Variants in CNPY1 observed in about 807,000 individuals in gnomAD.
CNPY1 encodes the protein protein canopy homolog 1.
A neutral mutation model predicts 14.4 loss-of-function variants in CNPY1; 14 were observed. That is an observed-to-expected ratio of 0.97 (90% CI 0.64 to 1.52). The LOEUF (loss-of-function observed/expected upper bound fraction) is 1.52, where lower values mean the gene tolerates loss of function less well. Among genes scored for constraint, CNPY1 ranks in the 40% most tolerant of loss-of-function variants. The pLI, the probability that CNPY1 is intolerant of heterozygous loss-of-function variation, is 0.00. For synonymous variants in CNPY1, 43 were observed against 46.5 expected (o/e 0.92, Z 0.31); for missense variants, 129 against 131.5 (o/e 0.98, Z 0.09).
intron 2 of CNPY1, among the ~76,000 whole-genome samples, chr7:155,523,370 G>A (rs1418673526): frequency 6.6e-6 from 1 of 152,170 alleles, no homozygotes; most frequent in East Asian, 1.9e-4. Flanking sequence ...GCAGGGAGTG[G>A]TGTTTCACGA....
At chr7:155,510,249 C>G (rs1239551547) in intron 2 of CNPY1, 1 of 152,198 alleles carries the variant, frequency 6.6e-6, no homozygotes, top group African/African-American at 2.4e-5. Flanking sequence ...GCCATCTGGC[C>G]ACAAATCTCA....
intron 2 of CNPY1, among the ~76,000 whole-genome samples, chr7:155,541,791 T>C (rs1281448118): frequency 2.0e-5 from 3 of 152,176 alleles, no homozygotes; most frequent in Non-Finnish European, 2.9e-5. Context: ...GGAAGGGAAG[T>C]CTTCCAGCCT....
At chr7:155,511,435 T>A (rs1164203618) in intron 2 of CNPY1, among the ~76,000 whole-genome samples, 1 of 152,258 alleles carries the variant, frequency 6.6e-6, no homozygotes, top group Non-Finnish European at 1.5e-5. Flanking sequence ...CTTACTTCTG[T>A]GGGCCACTTG....
At chr7:155,539,077 C>A (rs1797056349) in intron 2 of CNPY1, among the ~76,000 whole-genome samples, 2 of 148,218 alleles carry the variant, frequency 1.3e-5, no homozygotes, top group South Asian at 2.3e-4. Context: ...CAGCTGCGGT[C>A]CCTTGGTCCA....
At chr7:155,514,164 G>A (rs73732794) in intron 2 of CNPY1, among the ~76,000 whole-genome samples, 232 of 152,324 alleles carry the variant, frequency 1.5e-3, no homozygotes, top group African/African-American at 5.3e-3. Flanking sequence ...AGCATGATGC[G>A]AATGTGTTCA....
intron 2 of CNPY1, among the ~76,000 whole-genome samples, chr7:155,519,157 G>A (rs1337698488): frequency 6.6e-6 from 1 of 152,164 alleles, no homozygotes; most frequent in Non-Finnish European, 1.5e-5. Flanking sequence ...GCCGGGAAAG[G>A]GGTGACCTGT....
rs761416299 is a variant in CNPY1 at position 155,508,932 on chromosome 7, A to G, written c.265T>C (p.Tyr89His). ...GGTCTGTAAGCATCAGAATAAAAATACAATTTTTTAAATTCTTGGTATATT... is the reference window on the plus strand; with the variant it reads ...GGTCTGTAAGCATCAGAATAAAAATGCAATTTTTTAAATTCTTGGTATATT... ...DKIYQEFKKL[Y>H]FYSDAYRPLK... The change falls in exon 3 of 5, where the codon TAT becomes CAT. Residue 89 changes from tyrosine to histidine, a missense_variant. By Grantham distance (83) the Tyr-to-His change is moderately conservative (BLOSUM62 2). Transcript: ENST00000636446. 29 of 1,613,686 alleles carry G rather than the reference A, an allele frequency of 1.8e-5. No homozygotes were observed. The highest frequency in any genetic ancestry group is 2.3e-5 in the Non-Finnish European group (27 of 1,179,762).
At position 155,502,950 on chromosome 7, in the gene CNPY1, C is replaced by A; in HGVS notation, c.*118G>T. 1 of 807,666 alleles carries A rather than the reference C, an allele frequency of 1.2e-6. No homozygotes were observed. Among genetic ancestry groups the A allele is most frequent in the East Asian group, 2.6e-5 (1 of 38,164 alleles). The allele number at this position is 807,666 out of a possible 1,614,324, so 50.0% of individuals were successfully genotyped here. ...AATGAATCATAAACGGAGACAAACA[C>A]GGTATAAACAAGAGACAAAATTTTT... On this transcript the variant is annotated 3_prime_UTR_variant, in exon 5 of 5. Transcript: ENST00000636446.
rs1189669677 is a variant in CNPY1, at chr7:155,536,731, G to A, written c.99+9100C>T. Among the ~76,000 whole-genome samples the A allele has an allele frequency of 2.0e-5, 3 of 152,190 alleles. No individual in the cohort carries two copies. Among genetic ancestry groups the A allele is most frequent in the Middle Eastern group, 3.2e-3 (1 of 316 alleles). ...AGGGCCTGGGTCCCTGAATGACCAA[G>A]TGGAGCAGAGCCCCGTGCCAACCCA... On this transcript the variant is annotated intron_variant, in intron 2 of 4. Coordinates refer to ENST00000636446, the MANE Select transcript of CNPY1 (RefSeq NM_001393663.1). This position sits in a 1 kb window ranked among gnomAD's most constrained non-coding sequence, Gnocchi z 4.1.
In CNPY1 at chr7:155,536,502, A is replaced by G. The variant is rs1207493940; in HGVS notation, c.99+9329T>C. On this transcript the variant is annotated intron_variant, in intron 2 of 4. Coordinates refer to ENST00000636446, the MANE Select transcript of CNPY1 (RefSeq NM_001393663.1). This position sits in a 1 kb window ranked among gnomAD's most constrained non-coding sequence, Gnocchi z 4.1. ...TCCACTTCTTCCTCCTCCTGGACACACAGCTCGACTGTTTCCAGCCCTTCT... is the reference window on the plus strand; with the variant it reads ...TCCACTTCTTCCTCCTCCTGGACACGCAGCTCGACTGTTTCCAGCCCTTCT... Among the ~76,000 whole-genome samples the G allele has an allele frequency of 3.9e-5, 6 of 152,166 alleles. No individual in the cohort carries two copies. Among genetic ancestry groups the G allele is most frequent in the Admixed American group, 6.5e-5 (1 of 15,278 alleles).
At chr7:155,524,667 C>T (rs577050478) in intron 2 of CNPY1, among the ~76,000 whole-genome samples, 2 of 152,348 alleles carry the variant, frequency 1.3e-5, no homozygotes, top group East Asian at 3.9e-4. Context: ...AGGGCTCCCA[C>T]TGATTCTACA....
intron 2 of CNPY1, among the ~76,000 whole-genome samples, chr7:155,542,759 G>A (rs1433719910): frequency 6.6e-6 from 1 of 152,224 alleles, no homozygotes; most frequent in African/African-American, 2.4e-5. Context: ...TGCGGGCAGA[G>A]GCCCGCCTGC....
At chr7:155,506,906 A>G (rs1796332341) in intron 4 of CNPY1, 114 bp downstream of exon 4, 1 of 703,738 alleles carries the variant, frequency 1.4e-6, no homozygotes, top group African/African-American at 1.8e-5. Flanking sequence ...ATCCTGTGTC[A>G]GAGCCGTGGA....
chr7:155,545,575 C>T (rs1797148562), intron 2 of CNPY1, among the ~76,000 whole-genome samples: 1 of 152,186 alleles, frequency 6.6e-6, no homozygotes. Context: ...CACAGACGCG[C>T]TATTTTTATT....
At chr7:155,538,118 G>A (rs952148655) in intron 2 of CNPY1, among the ~76,000 whole-genome samples, 1 of 152,118 alleles carries the variant, frequency 6.6e-6, no homozygotes, top group Non-Finnish European at 1.5e-5. Flanking sequence ...TTTTCACATG[G>A]CAATTTACAG....
At chr7:155,524,567 G>T (rs181225220) in intron 2 of CNPY1, among the ~76,000 whole-genome samples, 1 of 152,218 alleles carries the variant, frequency 6.6e-6, no homozygotes, top group African/African-American at 2.4e-5. Flanking sequence ...CCAGGTTGTG[G>T]GCTCCCTATG....
At chr7:155,528,081 T>A (rs544710023) in intron 2 of CNPY1, among the ~76,000 whole-genome samples, 1 of 152,344 alleles carries the variant, frequency 6.6e-6, no homozygotes, top group Admixed American at 6.5e-5. Flanking sequence ...CAGAGCTCTC[T>A]AGAACACATA....
In CNPY1 at chr7:155,518,570, G is replaced by A. The variant is rs141866779; in HGVS notation, c.100-9473C>T. The A allele has an allele frequency of 1.8e-3, 276 of 152,318 alleles. 3 individuals are homozygous for A. Among genetic ancestry groups the A allele is most frequent in the African/African-American group, 6.3e-3 (262 of 41,574 alleles). 9.4% of individuals were successfully genotyped at this position (152,318 alleles called of 1,614,324 possible). A position where few individuals can be genotyped will look rare whatever the true frequency, so the allele number is the denominator to read the frequency against. On this transcript the variant is annotated intron_variant, in intron 2 of 4. Coordinates refer to ENST00000636446, the MANE Select transcript of CNPY1 (RefSeq NM_001393663.1). Reference sequence around the variant, plus strand: ...TCGAAAGCAATGAGAGCTCTAGGGTGGACCTTTCACTGGCACTCAAAGAGA... The same window carrying A: ...TCGAAAGCAATGAGAGCTCTAGGGTAGACCTTTCACTGGCACTCAAAGAGA...
Position 155,545,934 on chromosome 7 carries a change from GCC to G in CNPY1, c.-7_-6del. The G allele has an allele frequency of 2.5e-6, 1 of 398,568 alleles. No individual in the cohort carries two copies. Among genetic ancestry groups the G allele is most frequent in the Non-Finnish European group, 4.4e-6 (1 of 226,076 alleles). 24.7% of individuals were successfully genotyped at this position (398,568 alleles called of 1,614,324 possible). On this transcript the variant is annotated 5_prime_UTR_variant, in exon 2 of 5. Coordinates refer to ENST00000636446, the MANE Select transcript of CNPY1 (RefSeq NM_001393663.1). ...GTCGTGCTCTATCTCGTCCATCAGC[GCC>G]CTGCACGCTAAACAAGACACAAAAC...
Sources: gnomAD v4.1 joint callset for allele counts (sites outside exome capture counted in the v4.1 genomes callset) on GRCh38, gnomAD v4.1.1 for gene constraint, Gnocchi (gnomAD v3.1) non-coding constraint, MANE v1.5 for transcripts, NCBI Gene and HGNC (gene_info 2026-07-23, HGNC 2026-07-21) for gene names.